CPXM2: variants seen among roughly 807,000 people sequenced by gnomAD.
CPXM2 encodes carboxypeptidase X, M14 family member 2.
In CPXM2, 66 loss-of-function variants were observed where a neutral mutation model predicts 86.1. The observed-to-expected ratio is 0.77, with a 90% confidence interval of 0.63 to 0.94. CPXM2 has a LOEUF of 0.94. Ranked by LOEUF, CPXM2 falls within the 40% of genes least tolerant of loss-of-function variation. The probability of loss-of-function intolerance (pLI) is 0.00; values close to 1 mark genes in which losing one functional copy is unlikely to be tolerated. For synonymous variants in CPXM2, 388 were observed against 400.2 expected, an observed-to-expected ratio of 0.97 and a Z score of 0.36; for missense variants, 948 against 1,026.3, an observed-to-expected ratio of 0.92 and a Z score of 1.04.
intron 6 of CPXM2, among the ~76,000 whole-genome samples, chr10:123,788,579 C>T (rs560564709): frequency 2.6e-5 from 4 of 152,126 alleles, no homozygotes; most frequent in Non-Finnish European, 4.4e-5. Flanking sequence ...TAAAAGTGCC[C>T]GCTTTCTGCT....
At chr10:123,825,088 G>A (rs1299278183) in intron 4 of CPXM2, among the ~76,000 whole-genome samples, 2 of 152,154 alleles carry the variant, frequency 1.3e-5, no homozygotes, top group Non-Finnish European at 2.9e-5. Flanking sequence ...ATTCTGAGGG[G>A]AAAACATTTA....
intron 11 of CPXM2, among the ~76,000 whole-genome samples, chr10:123,760,870 G>C (rs1863732): frequency 0.89 from 134,825 of 152,148 alleles, 59,863 homozygotes; most frequent in Non-Finnish European, 0.9. Flanking sequence ...ACTGGCCCTG[G>C]ATCACACAGC....
At chr10:123,747,643 C>T (rs571645924) in intron 13 of CPXM2, among the ~76,000 whole-genome samples, 1 of 152,212 alleles carries the variant, frequency 6.6e-6, no homozygotes, top group Non-Finnish European at 1.5e-5. Flanking sequence ...TGAGGTGGTG[C>T]CCATGCCTCC....
rs1846170925 is a variant in CPXM2, at chr10:123,754,973, G to A, written c.1918-211C>T. ...TAACAAGGGCGAGGTCTTAATGTAA[G>A]AAAAGTGAACTTATTTCTGAAGCTA... is the stretch of plus-strand genomic sequence containing the variant. On this transcript the variant is annotated intron_variant, in intron 12 of 13. Coordinates refer to ENST00000241305, the MANE Select transcript of CPXM2 (RefSeq NM_198148.3). This position sits in a 1 kb window ranked among gnomAD's most constrained non-coding sequence, Gnocchi z 4.0. Among the ~76,000 whole-genome samples the A allele has an allele frequency of 6.6e-6, 1 of 152,226 alleles. No homozygotes were observed. The highest frequency in any genetic ancestry group is 2.4e-5 in the African/African-American group (1 of 41,466).
chr10:123,873,725 T>C (rs75639590), intron 2 of CPXM2, among the ~76,000 whole-genome samples: 2,963 of 152,338 alleles, frequency 0.019, 85 homozygotes, highest in East Asian at 0.093. Flanking sequence ...CAGGCATATA[T>C]GGATACTTGA....
chr10:123,818,232 C>T (rs1360477739), intron 4 of CPXM2, among the ~76,000 whole-genome samples: 1 of 152,150 alleles, frequency 6.6e-6, no homozygotes, highest in Non-Finnish European at 1.5e-5. Context: ...CCCCAGCCAC[C>T]CCTGTAATCG....
rs1228210895 is a variant in CPXM2, at chr10:123,850,340, T to C, written c.514-7852A>G. ...TTTAATAAATACAATAGTCCCCCGTTATCTGTGGTTTCTCTTTCCATGGTT... is the reference window on the plus strand; with the variant it reads ...TTTAATAAATACAATAGTCCCCCGTCATCTGTGGTTTCTCTTTCCATGGTT... On this transcript the variant is annotated intron_variant, in intron 3 of 13. Coordinates refer to ENST00000241305, the MANE Select transcript of CPXM2 (RefSeq NM_198148.3). Among the ~76,000 whole-genome samples the C allele has an allele frequency of 3.9e-5, 6 of 152,368 alleles. No homozygotes were observed. The East Asian group carries it at 1.2e-3, about 29-fold the overall frequency.
chr10:123,773,577 A>C (rs1564762143), intron 7 of CPXM2, among the ~76,000 whole-genome samples: 1 of 152,148 alleles, frequency 6.6e-6, no homozygotes, highest in Non-Finnish European at 1.5e-5. Context: ...TTTTCTCATA[A>C]TTTAATGAGC....
intron 2 of CPXM2, among the ~76,000 whole-genome samples, chr10:123,868,371 A>T (rs1944832464): frequency 6.6e-6 from 1 of 152,166 alleles, no homozygotes; most frequent in Non-Finnish European, 1.5e-5. Context: ...GCCAGACAAG[A>T]TCCACAGCAT....
intron 4 of CPXM2, among the ~76,000 whole-genome samples, chr10:123,827,591 A>G (rs997090186): frequency 6.6e-6 from 1 of 152,230 alleles, no homozygotes; most frequent in Non-Finnish European, 1.5e-5. Context: ...ATGGAAAAAT[A>G]TCCCATGTTC....
chr10:123,812,066 T>C (rs1230391632), intron 4 of CPXM2, among the ~76,000 whole-genome samples: 1 of 152,208 alleles, frequency 6.6e-6, no homozygotes, highest in African/African-American at 2.4e-5. Flanking sequence ...TATTCCTATG[T>C]ATATATCATG....
At chr10:123,798,149 A>G (rs756615647) in intron 5 of CPXM2, 23 bp from the exon 6 acceptor site, 1 of 1,570,172 alleles carries the variant, frequency 6.4e-7, no homozygotes, top group Non-Finnish European at 8.6e-7. Context: ...ATGGGAGAAA[A>G]GGAAAATCTT....
intron 3 of CPXM2, among the ~76,000 whole-genome samples, chr10:123,856,236 T>A (rs1848720427): frequency 6.6e-6 from 1 of 152,228 alleles, no homozygotes; most frequent in Non-Finnish European, 1.5e-5. Context: ...TTTCTTCTGA[T>A]CACACGTCAG....
chr10:123,932,357 A>C (rs1348623739), intron 2 of CPXM2, among the ~76,000 whole-genome samples: 1 of 152,120 alleles, frequency 6.6e-6, no homozygotes, highest in Non-Finnish European at 1.5e-5. Context: ...AGAGCACCTC[A>C]CTCCAGACTT....
In CPXM2 at chr10:123,746,525, C is replaced by T. The variant is rs1015209150; in HGVS notation, c.*239G>A. The T allele has an allele frequency of 4.5e-5, 25 of 550,994 alleles. No homozygotes were observed. The highest frequency in any genetic ancestry group is 4.7e-4 in the Middle Eastern group (1 of 2,122). 34.1% of individuals were successfully genotyped at this position (550,994 alleles called of 1,614,324 possible). ...CCCAGGTTGGCTTGCTGAGTTCTCTCACTCCCATCAGCTTTTCTCTGCTGC... is the reference window on the plus strand; with the variant it reads ...CCCAGGTTGGCTTGCTGAGTTCTCTTACTCCCATCAGCTTTTCTCTGCTGC... On this transcript the variant is annotated 3_prime_UTR_variant, in exon 14 of 14. Transcript: ENST00000241305.
chr10:123,886,879 T>C (rs373190645), intron 1 of CPXM2: 56 of 152,352 alleles, frequency 3.7e-4, no homozygotes, highest in African/African-American at 1.2e-3. Context: ...AAAAGGAATA[T>C]GGCTGCAAAC....
chr10:123,925,774 C>T (rs1054202952), intron 2 of CPXM2, among the ~76,000 whole-genome samples: 1 of 152,110 alleles, frequency 6.6e-6, no homozygotes, highest in African/African-American at 2.4e-5. Context: ...TCATTCATTC[C>T]ACAAATATTT....
Position 123,800,245 on chromosome 10 carries a change from G to C in CPXM2, c.654-1046C>G, listed in dbSNP as rs142829105. Among the ~76,000 whole-genome samples the C allele has an allele frequency of 3.0e-3, 451 of 151,470 alleles. 2 individuals are homozygous for C. The highest frequency in any genetic ancestry group is 0.01 in the African/African-American group (428 of 40,972). ...TGACTTGTCATGAAAATGATTCTTA[G>C]GTGATTTTATACATGCTTGGAAACA... On this transcript the variant is annotated intron_variant, in intron 4 of 13. Transcript: ENST00000241305.
intron 2 of CPXM2, among the ~76,000 whole-genome samples, chr10:123,911,195 T>C (rs1945485282): frequency 6.6e-6 from 1 of 152,210 alleles, no homozygotes; most frequent in Non-Finnish European, 1.5e-5. Context: ...ACAGACCTTA[T>C]GTTTCTCTTG....
Sources: allele counts gnomAD v4.1 joint callset (sites outside exome capture counted in the v4.1 genomes callset), GRCh38; gene constraint gnomAD v4.1.1; non-coding constraint Gnocchi (gnomAD v3.1); transcripts MANE v1.5; gene names NCBI Gene and HGNC (gene_info 2026-07-23, HGNC 2026-07-21).